Variants in CNTN1 observed in about 807,000 individuals in gnomAD.
CNTN1 encodes contactin 1.
In CNTN1, 38 loss-of-function variants were observed where a neutral mutation model predicts 126.4. That is an observed-to-expected ratio of 0.30 (90% confidence interval 0.23 to 0.39). The LOEUF (loss-of-function observed/expected upper bound fraction) is 0.39, where lower values mean the gene tolerates loss of function less well. Among genes scored for constraint, CNTN1 ranks in the 10% least tolerant of loss-of-function variants. The probability of loss-of-function intolerance (pLI) is 1.00; values close to 1 mark genes in which losing one functional copy is unlikely to be tolerated. For synonymous variants in CNTN1, 413 were observed against 422.6 expected (o/e 0.98, Z 0.28); for missense variants, 1,009 against 1,248.4 (o/e 0.81, Z 2.89).
chr12:40,812,023 A>G (rs1194985105), intron 1 of CNTN1, among the ~76,000 whole-genome samples: 1 of 150,400 alleles, frequency 6.6e-6, no homozygotes, highest in Non-Finnish European at 1.5e-5. Context: ...TAATGTAGAC[A>G]TTTATTGCCA....
rs142976054 is a variant in CNTN1 at position 40,828,454 on chromosome 12, G to A, written c.-76-79903G>A. On this transcript the variant is annotated intron_variant, in intron 1 of 23. Coordinates refer to ENST00000551295, the MANE Select transcript of CNTN1 (RefSeq NM_001843.4). Reference sequence around the variant, plus strand: ...TCAATTGTTACGTTAAACGAGAGGTGACTTTCTATATTTGATAGTATTGGA... The same window carrying A: ...TCAATTGTTACGTTAAACGAGAGGTAACTTTCTATATTTGATAGTATTGGA... 8.6e-3 allele frequency among the ~76,000 whole-genome samples: 1,312 copies of A among 152,198 alleles called. 16 individuals carry two copies. The highest frequency in any genetic ancestry group is 0.01 in the Non-Finnish European group (700 of 67,988).
intron 1 of CNTN1, among the ~76,000 whole-genome samples, chr12:40,802,669 A>T (rs762302193): frequency 7.9e-5 from 12 of 151,938 alleles, no homozygotes; most frequent in Non-Finnish European, 7.4e-5. Context: ...CCCTCCCCAA[A>T]TTATGCTTGT....
intron 1 of CNTN1, among the ~76,000 whole-genome samples, chr12:40,868,794 C>A (rs1207663621): frequency 6.6e-6 from 1 of 152,028 alleles, no homozygotes; most frequent in Non-Finnish European, 1.5e-5. Context: ...TGGATTGAGA[C>A]CAACTGTGTT....
chr12:40,931,894 T>G (rs1189877396), intron 7 of CNTN1, among the ~76,000 whole-genome samples: 1 of 151,978 alleles, frequency 6.6e-6, no homozygotes, highest in East Asian at 1.9e-4. Context: ...GGAGCCGTCC[T>G]GTTGATTCTG....
At chr12:41,061,707 C>G (rs918005204) in intron 23 of CNTN1, 1 of 433,892 alleles carries the variant, frequency 2.3e-6, no homozygotes, top group African/African-American at 2.0e-5. Context: ...ATTACAGACT[C>G]AGGGCTGTAG....
At chr12:40,716,355 T>C (rs967536523) in intron 1 of CNTN1, among the ~76,000 whole-genome samples, 2 of 150,040 alleles carry the variant, frequency 1.3e-5, no homozygotes, top group Admixed American at 1.3e-4. Flanking sequence ...TTCCTCCTCT[T>C]CTCCTCCTCC....
intron 1 of CNTN1, among the ~76,000 whole-genome samples, chr12:40,718,709 A>G (rs1942113246): frequency 6.6e-6 from 1 of 152,216 alleles, no homozygotes; most frequent in African/African-American, 2.4e-5. Flanking sequence ...TCCCCTATTT[A>G]AAGATGAAGA....
rs1335974092 is a variant in CNTN1 at position 40,765,411 on chromosome 12, G to A, written c.-77+72819G>A. ...GGATAGGAAGCTGATTCACAGATTT[G>A]GGAGTCTAATAGTATCACCTGGACA... On this transcript the variant is annotated intron_variant, in intron 1 of 23. Coordinates refer to ENST00000551295, the MANE Select transcript of CNTN1 (RefSeq NM_001843.4). 2.0e-5 allele frequency among the ~76,000 whole-genome samples: 3 copies of A among 152,122 alleles called. No individual in the cohort carries two copies. In the East Asian group the frequency reaches 5.8e-4, roughly 29 times the overall value.
At chr12:40,941,345 A>C (rs993759763) in intron 12 of CNTN1, among the ~76,000 whole-genome samples, 8 of 152,096 alleles carry the variant, frequency 5.3e-5, no homozygotes, top group African/African-American at 1.9e-4. Flanking sequence ...TAAACATAAA[A>C]ATTTTGGTGT....
At chr12:41,028,982 A>G (rs1949089108) in intron 22 of CNTN1, 81 bp from the exon 23 acceptor site, 2 of 1,348,154 alleles carry the variant, frequency 1.5e-6, no homozygotes, top group Admixed American at 3.4e-5. Flanking sequence ...AAGTATAAGC[A>G]TTTTTATTCT....
chr12:40,904,068 G>T (rs1424263520), intron 1 of CNTN1, among the ~76,000 whole-genome samples: 1 of 152,122 alleles, frequency 6.6e-6, no homozygotes, highest in African/African-American at 2.4e-5. Context: ...GCCTAGGCTG[G>T]AGTGCAGTGG....
intron 9 of CNTN1, among the ~76,000 whole-genome samples, chr12:40,936,247 T>C (rs921935231): frequency 1.8e-4 from 27 of 152,090 alleles, no homozygotes; most frequent in African/African-American, 6.0e-4. Flanking sequence ...CTACTGTATA[T>C]AGTTTCTAAT....
chr12:41,054,974 G>T (rs1306235455), intron 23 of CNTN1, among the ~76,000 whole-genome samples: 2 of 152,028 alleles, frequency 1.3e-5, no homozygotes. Flanking sequence ...TGAAGATTAG[G>T]CATCATTCCA....
chr12:40,966,918 C>T (rs867366411), intron 15 of CNTN1, among the ~76,000 whole-genome samples: 5 of 152,066 alleles, frequency 3.3e-5, no homozygotes, highest in Admixed American at 6.6e-5. Flanking sequence ...GAAAAGCTCC[C>T]GTGGAGGATT....
chr12:40,725,025 T>A (rs1942312882), intron 1 of CNTN1, among the ~76,000 whole-genome samples: 2 of 152,156 alleles, frequency 1.3e-5, no homozygotes, highest in Admixed American at 1.3e-4. Flanking sequence ...CAAGAAAGAC[T>A]TGTTCCACTT....
chr12:40,963,639 T>G (rs956258996), intron 15 of CNTN1, among the ~76,000 whole-genome samples: 4 of 152,084 alleles, frequency 2.6e-5, no homozygotes, highest in African/African-American at 9.7e-5. Context: ...TGCCTTAGCT[T>G]TAAAATAAGA....
intron 14 of CNTN1, among the ~76,000 whole-genome samples, chr12:40,945,104 T>C (rs1946388454): frequency 1.3e-5 from 2 of 152,076 alleles, no homozygotes; most frequent in Non-Finnish European, 2.9e-5. Flanking sequence ...ATTTAACTGA[T>C]CTAGCTACAA....
intron 12 of CNTN1, among the ~76,000 whole-genome samples, chr12:40,942,089 C>T (rs377497330): frequency 1.5e-4 from 23 of 151,992 alleles, no homozygotes; most frequent in Middle Eastern, 3.4e-3. Context: ...TTGTTTTTTC[C>T]ACTGCTACTT....
intron 3 of CNTN1, among the ~76,000 whole-genome samples, chr12:40,913,912 C>T (rs1327110691): frequency 4.6e-5 from 7 of 152,026 alleles, no homozygotes; most frequent in Non-Finnish European, 1.0e-4. Flanking sequence ...TTATGATAAT[C>T]ACATTATCTG....
Sources: allele counts gnomAD v4.1 joint callset (sites outside exome capture counted in the v4.1 genomes callset), GRCh38; gene constraint gnomAD v4.1.1; transcripts MANE v1.5; gene names NCBI Gene and HGNC (gene_info 2026-07-23, HGNC 2026-07-21).